Variants in TMEM131 observed in about 807,000 individuals in gnomAD.
TMEM131 encodes 2610524E03Rik.
Under a neutral mutation model 211.6 loss-of-function variants are expected in TMEM131, and 66 were observed. The ratio of observed to expected loss-of-function variants is 0.31; its 90% CI spans 0.26 to 0.38. The LOEUF is 0.38. Among genes scored for constraint, TMEM131 ranks in the 10% least tolerant of loss-of-function variants. The pLI, the probability that TMEM131 is intolerant of heterozygous loss-of-function variation, is 1.00. For missense variants in TMEM131, 2,036 were observed against 2,299.3 expected, an observed-to-expected ratio of 0.89 and a Z score of 2.34; for synonymous variants, 844 against 841.3, an observed-to-expected ratio of 1.00 and a Z score of -0.06.
Position 97,766,248 on chromosome 2 carries a change from A to C in TMEM131, c.4589T>G (p.Val1530Gly), listed in dbSNP as rs753364906. The C allele has an allele frequency of 1.9e-6, 3 of 1,613,946 alleles. No homozygotes were observed. The change falls in exon 35 of 41, where the codon GTG becomes GGG. Residue 1530 changes from valine (V) to glycine (G), a missense_variant. By Grantham distance (109) the Val-to-Gly change is moderately radical. Transcript: ENST00000186436. ...TGCTAGGGCAGGTGGTCTGTTATCC[A>C]CTAACTTACTTGTACCTGCACAAAA... The part of the protein sequence containing the change: ...AQKTKGTSKL[V>G]DNRPPALAKF...
At chr2:97,766,936 G>A (rs1300874800) in intron 33 of TMEM131, among the ~76,000 whole-genome samples, 1 of 152,170 alleles carries the variant, frequency 6.6e-6, no homozygotes, top group East Asian at 1.9e-4. Flanking sequence ...CCAACTTGCT[G>A]CTCAGGGCTG....
chr2:97,969,057 A>T (rs553287813), intron 1 of TMEM131, among the ~76,000 whole-genome samples: 5 of 149,684 alleles, frequency 3.3e-5, no homozygotes, highest in African/African-American at 1.2e-4. Flanking sequence ...ACTGCACTTG[A>T]GTATGGGTGA....
chr2:97,815,245 T>C lies in TMEM131; in HGVS notation c.1246A>G (p.Ser416Gly). The C allele has an allele frequency of 3.8e-6, 6 of 1,576,342 alleles. No homozygotes were observed. The highest frequency in any genetic ancestry group is 5.1e-6 in the Non-Finnish European group (6 of 1,170,336). The change falls in exon 13 of 41, where the codon AGT becomes GGT. Residue 416 changes from serine to glycine, a missense_variant. Ser to Gly is a moderately conservative substitution (Grantham distance 56). Transcript: ENST00000186436. ...TATGGTATTTCAAGTTTAGAATAAC[T>C]CTTTTCCTTTGCTTTAACTGTTATT... ...GKITVKAKEK[S>G]YSKLEIPYQA...
At position 97,814,385 on chromosome 2, in the gene TMEM131, A is replaced by G. The variant is rs1681715548; in HGVS notation, c.1296T>C (p.Tyr432=). The stretch of plus-strand genomic sequence containing the variant: ...ATGTTGCAGCATGATCAAATCCCAA[A>G]TAACTATTAAAAAAAACAACAAGAA... The part of the protein sequence containing the change: ...IPYQAEVLDG[Y]LGFDHAATLF... Residue 432 remains tyrosine, a synonymous_variant, in exon 14 of 41, where the codon TAT becomes TAC. Transcript: ENST00000186436. 1.3e-6 allele frequency: 2 copies of G among 1,588,342 alleles called. No homozygotes were observed. The highest frequency in any genetic ancestry group is 1.4e-5 in the African/African-American group (1 of 73,714).
intron 1 of TMEM131, among the ~76,000 whole-genome samples, chr2:97,986,358 A>T (rs892820358): frequency 1.3e-5 from 2 of 152,074 alleles, no homozygotes; most frequent in Non-Finnish European, 2.9e-5. Context: ...GAGGAGAGGG[A>T]AGAGAGATGA....
rs142431368 is a variant in TMEM131, at chr2:97,781,946, C to A, written c.4145-5928G>T. Reference sequence around the variant, plus strand: ...GTAAGAACTGGGGTGCCATATCCACCCATGCCAACAAAGGCCAAAGTGGGA... The same window carrying A: ...GTAAGAACTGGGGTGCCATATCCACACATGCCAACAAAGGCCAAAGTGGGA... On this transcript the variant is annotated intron_variant, in intron 31 of 40. Transcript: ENST00000186436. 9.8e-4 allele frequency among the ~76,000 whole-genome samples: 150 copies of A among 152,316 alleles called. No homozygotes were observed. In the East Asian group the frequency reaches 0.016, roughly 16 times the overall value.
chr2:97,943,850 G>A (rs564038402), intron 1 of TMEM131, among the ~76,000 whole-genome samples: 2 of 152,242 alleles, frequency 1.3e-5, no homozygotes, highest in South Asian at 2.1e-4. Flanking sequence ...TTGGGAGGCC[G>A]AGGCAGGCAG....
chr2:97,820,623 C>T (rs1472956052), intron 11 of TMEM131, among the ~76,000 whole-genome samples: 1 of 152,054 alleles, frequency 6.6e-6, no homozygotes, highest in Non-Finnish European at 1.5e-5. Context: ...CGTTGGGAGG[C>T]CAAGGCACGT....
chr2:97,791,947 A>G (rs1310686498), intron 31 of TMEM131, among the ~76,000 whole-genome samples: 2 of 152,198 alleles, frequency 1.3e-5, no homozygotes, highest in African/African-American at 4.8e-5. Context: ...TTCCAATAAA[A>G]CTTTATTTAT....
intron 3 of TMEM131, among the ~76,000 whole-genome samples, chr2:97,904,966 CAT>C (rs1160735653): frequency 6.6e-6 from 1 of 152,106 alleles, no homozygotes; most frequent in Non-Finnish European, 1.5e-5. Flanking sequence ...GCAATGTATA[CAT>C]GTTATAAACA....
At chr2:97,981,362 T>C (rs2104643303) in intron 1 of TMEM131, among the ~76,000 whole-genome samples, 1 of 152,286 alleles carries the variant, frequency 6.6e-6, no homozygotes, top group Non-Finnish European at 1.5e-5. Flanking sequence ...GATTGCTAGG[T>C]GAAAACCGTA....
chr2:97,769,747 T>C (rs1679377132), intron 33 of TMEM131, among the ~76,000 whole-genome samples: 1 of 152,268 alleles, frequency 6.6e-6, no homozygotes, highest in Non-Finnish European at 1.5e-5. Context: ...GGGCCCTTCC[T>C]GGTTCTGCAG....
At chr2:97,847,963 A>C (rs1683528209) in intron 5 of TMEM131, among the ~76,000 whole-genome samples, 1 of 152,210 alleles carries the variant, frequency 6.6e-6, no homozygotes. Flanking sequence ...GATGATAAAG[A>C]AAGGAAATAA....
intron 4 of TMEM131, among the ~76,000 whole-genome samples, chr2:97,876,702 C>A (rs1297838086): frequency 6.6e-6 from 1 of 152,122 alleles, no homozygotes; most frequent in Non-Finnish European, 1.5e-5. Flanking sequence ...GAACATATCT[C>A]AAAATAATAA....
chr2:97,810,471 G>A lies in TMEM131; in HGVS notation c.1968+657C>T, dbSNP rs942981877. Among the ~76,000 whole-genome samples the A allele has an allele frequency of 2.0e-5, 3 of 151,752 alleles. No homozygotes were observed. The East Asian group carries it at 5.8e-4, about 29-fold the overall frequency. On this transcript the variant is annotated intron_variant, in intron 18 of 40. Transcript: ENST00000186436. ...TTTTATAATTACATTTTTTTTCCAC[G>A]TGGGAGTTGTGTCCACTGAAAACAT...
intron 1 of TMEM131, among the ~76,000 whole-genome samples, chr2:97,986,136 T>C (rs1680017095): frequency 6.6e-6 from 1 of 152,200 alleles, no homozygotes; most frequent in African/African-American, 2.4e-5. Flanking sequence ...GTCGCAAATG[T>C]ATAAAAGTAT....
At chr2:97,951,897 A>G (rs1001163340) in intron 1 of TMEM131, among the ~76,000 whole-genome samples, 1 of 152,092 alleles carries the variant, frequency 6.6e-6, no homozygotes, top group African/African-American at 2.4e-5. Context: ...AGTGGCTCAC[A>G]CCTGTAATCC....
At chr2:97,867,275 G>C in intron 4 of TMEM131, among the ~76,000 whole-genome samples, 1 of 152,080 alleles carries the variant, frequency 6.6e-6, no homozygotes, top group East Asian at 1.9e-4. Context: ...TGAAAATGGG[G>C]ATACTGAAGA....
At chr2:97,767,605 G>A (rs752736550) in intron 33 of TMEM131, among the ~76,000 whole-genome samples, 3 of 152,172 alleles carry the variant, frequency 2.0e-5, no homozygotes, top group Non-Finnish European at 4.4e-5. Context: ...GAATCCTCAG[G>A]GATCTCTACA....
Sources: allele counts gnomAD v4.1 joint callset (sites outside exome capture counted in the v4.1 genomes callset), GRCh38; gene constraint gnomAD v4.1.1; transcripts MANE v1.5; gene names NCBI Gene and HGNC (gene_info 2026-07-23, HGNC 2026-07-21).